Variants in SLC30A10 observed in about 807,000 individuals in gnomAD.
The protein encoded by SLC30A10 is solute carrier family 30 member 10.
Under a neutral mutation model 21.7 loss-of-function variants are expected in SLC30A10, and 8 were observed. The observed-to-expected ratio is 0.37, with a 90% confidence interval of 0.22 to 0.67. The LOEUF is 0.67. SLC30A10 is among the 30% of genes least tolerant of loss of function. The probability of loss-of-function intolerance (pLI) is 0.58; values close to 1 mark genes in which losing one functional copy is unlikely to be tolerated. For synonymous variants in SLC30A10, 272 were observed against 279.4 expected (o/e 0.97, Z 0.26); for missense variants, 521 against 642.5 (o/e 0.81, Z 2.04).
Position 219,911,385 on chromosome 1 carries a change from G to A in SLC30A10, c.*4064C>T, listed in dbSNP as rs150803756. On this transcript the variant is annotated 3_prime_UTR_variant, in exon 4 of 4. Coordinates refer to ENST00000366926, the MANE Select transcript of SLC30A10 (RefSeq NM_018713.3). ...AACTAAGAAGAATTAACATCATCAA[G>A]TTTAAAATCGATCATTTTAAATATG... 3.3e-5 allele frequency among the ~76,000 whole-genome samples: 5 copies of A among 151,894 alleles called. No homozygotes were observed. The highest frequency in any genetic ancestry group is 4.4e-5 in the Non-Finnish European group (3 of 67,938).
At chr1:219,943,787 C>A (rs1660149063) in intron 1 of SLC30A10, among the ~76,000 whole-genome samples, 1 of 151,966 alleles carries the variant, frequency 6.6e-6, no homozygotes, top group Non-Finnish European at 1.5e-5. Context: ...AAAATGAAAA[C>A]TACAATAACT....
chr1:219,927,638 T>TAAAAAAAAAAAAAAAAAAA (rs77015523), intron 1 of SLC30A10, among the ~76,000 whole-genome samples, 163 bp downstream of exon 1: 2 of 53,420 alleles, frequency 3.7e-5, no homozygotes, highest in Non-Finnish European at 7.4e-5. Context: ...ATGGATTTAT[T>TAAAAAAAAAAAAAAAAAAA]AAAAAAAAAA....
At position 219,915,711 on chromosome 1, in the gene SLC30A10, A is replaced by T; in HGVS notation, c.1196T>A (p.Leu399His). 6.2e-7 allele frequency: 1 copy of T among 1,614,238 alleles called. No homozygotes were observed. The highest frequency in any genetic ancestry group is 1.3e-5 in the African/African-American group (1 of 75,066). The change falls in exon 4 of 4, where the codon CTC becomes CAC. Residue 399 changes from leucine to histidine, a missense_variant. Coordinates refer to ENST00000366926, the MANE Select transcript of SLC30A10 (RefSeq NM_018713.3). Reference protein sequence around the residue: ...EPLEQKDLLLLCNSPCISKGC... With the variant: ...EPLEQKDLLLHCNSPCISKGC... ...CTTGGAGATGCAGGGTGAGTTGCAG[A>T]GCAACAGTAAGTCCTTCTGCTCCAG...
intron 1 of SLC30A10, among the ~76,000 whole-genome samples, chr1:219,952,306 C>T (rs1660281833): frequency 6.6e-6 from 1 of 152,112 alleles, no homozygotes; most frequent in Admixed American, 6.5e-5. Flanking sequence ...CAGATATTAC[C>T]AGATTTACAG....
chr1:219,938,864 T>G (rs1231116806), intron 1 of SLC30A10, among the ~76,000 whole-genome samples: 1 of 152,144 alleles, frequency 6.6e-6, no homozygotes, highest in African/African-American at 2.4e-5. Context: ...GTTTTAATGC[T>G]TCAGTAAGAG....
In SLC30A10 at chr1:219,926,640, G is replaced by A. The variant is rs565285325; in HGVS notation, c.718+388C>T. 1.4e-4 allele frequency among the ~76,000 whole-genome samples: 21 copies of A among 152,314 alleles called. No individual in the cohort carries two copies. The South Asian group carries it at 3.3e-3, about 24-fold the overall frequency. On this transcript the variant is annotated intron_variant, in intron 2 of 3. Coordinates refer to ENST00000366926, the MANE Select transcript of SLC30A10 (RefSeq NM_018713.3). Reference sequence around the variant, plus strand: ...ATGCAATAGGGTCACTCAGCAATGCGAGATAGGGCATAACCTTGGATAGCA... The same window carrying A: ...ATGCAATAGGGTCACTCAGCAATGCAAGATAGGGCATAACCTTGGATAGCA...
At chr1:219,951,252 C>A (rs1343132963) in intron 1 of SLC30A10, among the ~76,000 whole-genome samples, 1 of 151,662 alleles carries the variant, frequency 6.6e-6, no homozygotes, top group East Asian at 2.0e-4. Flanking sequence ...TGAGCCACCG[C>A]CCCTGGCTGT....
In SLC30A10 at chr1:219,914,525, C is replaced by T. The variant is rs377449256; in HGVS notation, c.*924G>A. The T allele has an allele frequency of 2.0e-5, 3 of 152,200 alleles. No individual in the cohort carries two copies. The East Asian group carries it at 5.8e-4, about 29-fold the overall frequency. 9.4% of individuals were successfully genotyped at this position (152,200 alleles called of 1,614,324 possible). A position where few individuals can be genotyped will look rare whatever the true frequency, so the allele number is the denominator to read the frequency against. Reference sequence around the variant, plus strand: ...ACAAGAATTAACACTCAGTGTTATGCATTCTGCTATCCCAGGAATACTCTT... The same window carrying T: ...ACAAGAATTAACACTCAGTGTTATGTATTCTGCTATCCCAGGAATACTCTT... On this transcript the variant is annotated 3_prime_UTR_variant, in exon 4 of 4. Transcript: ENST00000366926.
chr1:219,937,174 C>T (rs1408162342), intron 1 of SLC30A10, among the ~76,000 whole-genome samples: 1 of 152,168 alleles, frequency 6.6e-6, no homozygotes, highest in East Asian at 1.9e-4. Flanking sequence ...ATAGACATCT[C>T]ATCATTGTAT....
In SLC30A10 at chr1:219,925,646, TA is replaced by T. The variant is rs1435275166; in HGVS notation, c.718+1381del. 7.8e-3 allele frequency among the ~76,000 whole-genome samples: 573 copies of T among 73,116 alleles called. 6 individuals carry two copies. Among genetic ancestry groups the T allele is most frequent in the East Asian group, 0.024 (39 of 1,656 alleles). 48.0% of individuals were successfully genotyped at this position (73,116 alleles called of 152,430 possible). A position where few individuals can be genotyped will look rare whatever the true frequency, so the allele number is the denominator to read the frequency against. On this transcript the variant is annotated intron_variant, in intron 2 of 3. Transcript: ENST00000366926. ...GTGTGTGTGTACATATATATATATA[TA>T]TATATTTTTTTTTTTTTTTTTTTTT... is the stretch of plus-strand genomic sequence containing the variant.
rs142617310 is a variant in SLC30A10 at position 219,921,714 on chromosome 1, G to A, written c.719-3220C>T. ...AACTAATTCTAGGGCCCAAATTGTCGCAGCCTTCAGTTTGAAAAACTGTTT... is the reference window on the plus strand; with the variant it reads ...AACTAATTCTAGGGCCCAAATTGTCACAGCCTTCAGTTTGAAAAACTGTTT... On this transcript the variant is annotated intron_variant, in intron 2 of 3. Coordinates refer to ENST00000366926, the MANE Select transcript of SLC30A10 (RefSeq NM_018713.3). Among the ~76,000 whole-genome samples, 327 of 151,702 alleles carry A rather than the reference G, an allele frequency of 2.2e-3. 1 individual carries two copies. The highest frequency in any genetic ancestry group is 6.8e-3 in the African/African-American group (281 of 41,332).
At chr1:219,955,603 C>CT (rs1660337825) in intron 1 of SLC30A10, among the ~76,000 whole-genome samples, 1 of 151,964 alleles carries the variant, frequency 6.6e-6, no homozygotes, top group African/African-American at 2.4e-5. Flanking sequence ...ATTTTTTTTA[C>CT]TTTCCATGAT....
At chr1:219,943,574 G>A (rs1053268740) in intron 1 of SLC30A10, among the ~76,000 whole-genome samples, 1 of 152,096 alleles carries the variant, frequency 6.6e-6, no homozygotes, top group African/African-American at 2.4e-5. Flanking sequence ...TCATAGCAAA[G>A]CCAGGAAAAT....
chr1:219,921,872 A>AGTGT (rs72517767), intron 2 of SLC30A10, among the ~76,000 whole-genome samples: 2,347 of 139,466 alleles, frequency 0.017, 31 homozygotes, highest in Middle Eastern at 0.069. Context: ...GGTGTCTCTG[A>AGTGT]GTGTGTGTGT....
intron 1 of SLC30A10, among the ~76,000 whole-genome samples, chr1:219,934,429 C>G (rs1394403859): frequency 6.6e-6 from 1 of 151,684 alleles, no homozygotes; most frequent in Non-Finnish European, 1.5e-5. Context: ...TGTCATTGCA[C>G]TCCAGCCTGG....
intron 2 of SLC30A10, among the ~76,000 whole-genome samples, chr1:219,925,652 T>TATATATATATATATATATATATATATA (rs1491117690): frequency 3.4e-4 from 13 of 38,210 alleles, no homozygotes; most frequent in Non-Finnish European, 4.7e-4. Context: ...TATATATATA[T>TATATATATATATATATATATATATATA]TTTTTTTTTT....
At chr1:219,931,898 A>T (rs369954754), upstream of SLC30A10, among the ~76,000 whole-genome samples, 1 of 152,152 alleles carries the variant, frequency 6.6e-6, no homozygotes, top group Non-Finnish European at 1.5e-5. Flanking sequence ...CTTCCTCATC[A>T]CAGCCCCATA....
At chr1:219,933,321 C>T (rs1345080964), upstream of SLC30A10, among the ~76,000 whole-genome samples, 1 of 152,204 alleles carries the variant, frequency 6.6e-6, no homozygotes, top group Non-Finnish European at 1.5e-5. Context: ...ACGAGCATAG[C>T]ATCACGTGAT....
At position 219,944,248 on chromosome 1, in the gene SLC30A10, C is replaced by A. The variant is rs190609141; in HGVS notation, n.80+14320G>T. On this transcript the variant is annotated intron_variant and non_coding_transcript_variant, in intron 1 of 8. Coordinates refer to the SLC30A10 transcript ENST00000484239. ...AGATCACGAGGTCAGGAGATGGAGACCATCTTGGCTAACACGGTAAAACCC... is the reference window on the plus strand; with the variant it reads ...AGATCACGAGGTCAGGAGATGGAGAACATCTTGGCTAACACGGTAAAACCC... 4.3e-3 allele frequency among the ~76,000 whole-genome samples: 646 copies of A among 151,378 alleles called. 5 individuals are homozygous for A. The highest frequency in any genetic ancestry group is 0.015 in the African/African-American group (627 of 41,258).
Sources: allele counts gnomAD v4.1 joint callset (sites outside exome capture counted in the v4.1 genomes callset), GRCh38; gene constraint gnomAD v4.1.1; transcripts MANE v1.5; gene names NCBI Gene and HGNC (gene_info 2026-07-23, HGNC 2026-07-21).